UTRN: variants seen among roughly 807,000 people sequenced by gnomAD.
UTRN encodes utrophin.
A neutral mutation model predicts 463.9 loss-of-function variants in UTRN; 283 were observed. The ratio of observed to expected loss-of-function variants is 0.61; its 90% confidence interval spans 0.55 to 0.67. The LOEUF is 0.67. UTRN is among the 30% of genes least tolerant of loss of function. The pLI, the probability that UTRN is intolerant of heterozygous loss-of-function variation, is 0.00. For missense variants in UTRN, 3,922 were observed against 4,084.3 expected, an observed-to-expected ratio of 0.96 and a Z score of 1.08; for synonymous variants, 1,442 against 1,431.5, an observed-to-expected ratio of 1.01 and a Z score of -0.17.
At chr6:144,508,829 G>C (rs1471685467) in intron 34 of UTRN, among the ~76,000 whole-genome samples, 1 of 152,108 alleles carries the variant, frequency 6.6e-6, no homozygotes, top group Non-Finnish European at 1.5e-5. Context: ...TAGTGCTATT[G>C]GTTGAGTAAT....
At chr6:144,643,472 ATT>A (rs1291755280) in intron 51 of UTRN, among the ~76,000 whole-genome samples, 2 of 152,144 alleles carry the variant, frequency 1.3e-5, no homozygotes, top group Non-Finnish European at 2.9e-5. Flanking sequence ...ATTTTTATTT[ATT>A]TTGTAAATAG....
chr6:144,616,957 C>G (rs1369791405), intron 51 of UTRN, among the ~76,000 whole-genome samples: 1 of 152,138 alleles, frequency 6.6e-6, no homozygotes, highest in Non-Finnish European at 1.5e-5. Flanking sequence ...CTATCCTTTG[C>G]CTTTGAATCC....
intron 34 of UTRN, among the ~76,000 whole-genome samples, chr6:144,504,117 A>C (rs1158633256): frequency 6.6e-6 from 1 of 152,172 alleles, no homozygotes; most frequent in Non-Finnish European, 1.5e-5. Context: ...GAAATTGCTT[A>C]TCAGTTTAAG....
At chr6:144,794,849 A>T (rs1313758973) in intron 63 of UTRN, among the ~76,000 whole-genome samples, 1 of 151,866 alleles carries the variant, frequency 6.6e-6, no homozygotes, top group African/African-American at 2.4e-5. Flanking sequence ...GAAGAAGTGA[A>T]TGATCTCTCT....
chr6:144,658,814 GT>G (rs982918343), intron 51 of UTRN, among the ~76,000 whole-genome samples: 7 of 152,162 alleles, frequency 4.6e-5, no homozygotes, highest in East Asian at 1.9e-4. Flanking sequence ...TTGGATTGGA[GT>G]TTTTTTCTTT....
chr6:144,646,040 C>T lies in UTRN; in HGVS notation c.7480-32366C>T, dbSNP rs1778268705. 2.6e-5 allele frequency among the ~76,000 whole-genome samples: 4 copies of T among 152,090 alleles called. 1 individual carries two copies. In the South Asian group the frequency reaches 8.3e-4, roughly 32 times the overall value. Reference sequence around the variant, plus strand: ...TTTCATATGGGTCACTAAACAGATTCTATTTTACCTGATTAAATAAATGGT... The same window carrying T: ...TTTCATATGGGTCACTAAACAGATTTTATTTTACCTGATTAAATAAATGGT... On this transcript the variant is annotated intron_variant, in intron 51 of 74. Coordinates refer to ENST00000367545, the MANE Select transcript of UTRN (RefSeq NM_007124.3).
At chr6:144,682,221 A>C (rs1782277367) in intron 52 of UTRN, among the ~76,000 whole-genome samples, 1 of 152,044 alleles carries the variant, frequency 6.6e-6, no homozygotes, top group African/African-American at 2.4e-5. Flanking sequence ...TTTGATTTTT[A>C]GATCCCCAAA....
chr6:144,704,356 A>G (rs1784869251), intron 53 of UTRN, among the ~76,000 whole-genome samples: 1 of 152,214 alleles, frequency 6.6e-6, no homozygotes, highest in Non-Finnish European at 1.5e-5. Context: ...TCAAGAACTA[A>G]TATTTTAGTG....
chr6:144,784,908 G>A (rs568311199), intron 61 of UTRN, among the ~76,000 whole-genome samples: 2 of 152,352 alleles, frequency 1.3e-5, no homozygotes, highest in African/African-American at 4.8e-5. Flanking sequence ...CAAAGACCAT[G>A]CTGGATCAGA....
At chr6:144,524,009 A>G (rs983210711) in intron 41 of UTRN, among the ~76,000 whole-genome samples, 2 of 152,220 alleles carry the variant, frequency 1.3e-5, no homozygotes, top group African/African-American at 2.4e-5. Context: ...CAAATAAGTT[A>G]TGAAATAACC....
chr6:144,465,790 A>C (rs1789899343), intron 23 of UTRN, among the ~76,000 whole-genome samples: 1 of 152,166 alleles, frequency 6.6e-6, no homozygotes, highest in African/African-American at 2.4e-5. Flanking sequence ...GACCTGATAT[A>C]TGATTTTTTA....
intron 58 of UTRN, among the ~76,000 whole-genome samples, chr6:144,760,208 G>A (rs902052853): frequency 6.6e-6 from 1 of 152,052 alleles, no homozygotes; most frequent in Non-Finnish European, 1.5e-5. Flanking sequence ...GGATCTGGTA[G>A]GATTGTATTC....
chr6:144,558,978 G>A (rs1280786150), intron 50 of UTRN, among the ~76,000 whole-genome samples: 2 of 152,092 alleles, frequency 1.3e-5, no homozygotes, highest in African/African-American at 4.8e-5. Context: ...CCTTAAATAT[G>A]CTCTGTCTTT....
chr6:144,622,178 T>TTG (rs1775458092), intron 51 of UTRN, among the ~76,000 whole-genome samples: 1 of 135,120 alleles, frequency 7.4e-6, no homozygotes, highest in East Asian at 2.4e-4. Flanking sequence ...TCCATTTTTT[T>TTG]TTGTTGTTTT....
At chr6:144,583,700 T>G (rs1161584045) in intron 51 of UTRN, 1 of 461,314 alleles carries the variant, frequency 2.2e-6, no homozygotes, top group Non-Finnish European at 4.0e-6. Flanking sequence ...AAGGAAAGAT[T>G]CCCTTTCTTA....
chr6:144,548,868 G>T lies in UTRN; in HGVS notation c.6810+14G>T. 1 of 1,611,896 alleles carries T rather than the reference G, an allele frequency of 6.2e-7. No homozygotes were observed. On this transcript the variant is annotated intron_variant, in intron 47 of 74. Coordinates refer to ENST00000367545, the MANE Select transcript of UTRN (RefSeq NM_007124.3). ...TCCCGAATGAAAGTAGGTGCATAGTGTAAAAGCTTGTCATGGAAACGCCAC... is the reference window on the plus strand; with the variant it reads ...TCCCGAATGAAAGTAGGTGCATAGTTTAAAAGCTTGTCATGGAAACGCCAC...
rs1315487327 is a variant in UTRN, at chr6:144,824,614, C to CTCTCTCTTT, written c.9495-2733_9495-2732insCTCTCTTTT. Among the ~76,000 whole-genome samples, 58 of 30,878 alleles carry CTCTCTCTTT rather than the reference C, an allele frequency of 1.9e-3. 1 individual carries two copies. The highest frequency in any genetic ancestry group is 6.1e-3 in the African/African-American group (58 of 9,478). The allele number at this position is 30,878 out of a possible 152,430, so 20.3% of individuals were successfully genotyped here. A position where few individuals can be genotyped will look rare whatever the true frequency, so the allele number is the denominator to read the frequency against. ...TATATATATATATATATATATATATCTTTTTTTTTTTTTTTTTTTTTTTGA... is the reference window on the plus strand; with the variant it reads ...TATATATATATATATATATATATATCTCTCTCTTTTTTTTTTTTTTTTTTTTTTTTTTGA... On this transcript the variant is annotated intron_variant, in intron 66 of 74. Transcript: ENST00000367545.
intron 13 of UTRN, among the ~76,000 whole-genome samples, chr6:144,442,739 T>C (rs1278659854): frequency 1.3e-5 from 2 of 152,294 alleles, no homozygotes; most frequent in Non-Finnish European, 1.5e-5. Flanking sequence ...TCCCACCAAG[T>C]TCCTCTCAAA....
intron 45 of UTRN, among the ~76,000 whole-genome samples, chr6:144,541,591 C>T (rs1416468053): frequency 6.6e-6 from 1 of 152,226 alleles, no homozygotes. Flanking sequence ...TTCATTCATA[C>T]AGTCATTCAT....
Sources: gnomAD v4.1 joint callset for allele counts (sites outside exome capture counted in the v4.1 genomes callset) on GRCh38, gnomAD v4.1.1 for gene constraint, MANE v1.5 for transcripts, NCBI Gene and HGNC (gene_info 2026-07-23, HGNC 2026-07-21) for gene names.